Variants in TIAM1 observed in about 807,000 individuals in gnomAD.
TIAM1 encodes the protein rho guanine nucleotide exchange factor TIAM1.
A neutral mutation model predicts 163.5 loss-of-function variants in TIAM1; 65 were observed. The observed-to-expected ratio is 0.40, with a 90% CI of 0.33 to 0.49. The LOEUF (loss-of-function observed/expected upper bound fraction) is 0.49, where lower values mean the gene tolerates loss of function less well. TIAM1 is among the 20% of genes least tolerant of loss of function. The pLI is 0.77. For missense variants in TIAM1, 1,789 were observed against 2,044.7 expected (o/e 0.87, Z 2.41); for synonymous variants, 833 against 810.1 (o/e 1.03, Z -0.48).
At chr21:31,197,380 T>C (rs1356660565) in intron 12 of TIAM1, among the ~76,000 whole-genome samples, 1 of 133,294 alleles carries the variant, frequency 7.5e-6, no homozygotes, top group Non-Finnish European at 1.5e-5. Flanking sequence ...TTCTTTTTTC[T>C]TTTTTTTTTT....
At chr21:31,404,418 C>T (rs1471427301) in intron 2 of TIAM1, among the ~76,000 whole-genome samples, 1 of 151,954 alleles carries the variant, frequency 6.6e-6, no homozygotes, top group African/African-American at 2.4e-5. Context: ...ACATTTATTA[C>T]AGTCTTAGAC....
chr21:31,488,578 T>A (rs2046351667), intron 1 of TIAM1, among the ~76,000 whole-genome samples: 1 of 152,190 alleles, frequency 6.6e-6, no homozygotes, highest in African/African-American at 2.4e-5. Context: ...GAGGCCTCAC[T>A]ATCACAGCGG....
At chr21:31,178,116 C>G (rs916177500) in intron 15 of TIAM1, among the ~76,000 whole-genome samples, 6 of 152,206 alleles carry the variant, frequency 3.9e-5, no homozygotes, top group African/African-American at 1.4e-4. Flanking sequence ...TGCCCCATCA[C>G]AGAGCAATCT....
intron 1 of TIAM1, among the ~76,000 whole-genome samples, chr21:31,472,879 G>C (rs1312278359): frequency 6.6e-6 from 1 of 152,218 alleles, no homozygotes; most frequent in Non-Finnish European, 1.5e-5. Flanking sequence ...GTACGCATCA[G>C]AAATTGTCCT....
At chr21:31,466,902 T>C (rs1400795420) in intron 1 of TIAM1, among the ~76,000 whole-genome samples, 1 of 152,054 alleles carries the variant, frequency 6.6e-6, no homozygotes, top group Non-Finnish European at 1.5e-5. Context: ...GGCAGATTGA[T>C]TCATCATCAT....
intron 3 of TIAM1, among the ~76,000 whole-genome samples, chr21:31,274,139 C>G (rs1320624982): frequency 1.3e-5 from 2 of 151,988 alleles, no homozygotes; most frequent in Non-Finnish European, 2.9e-5. Flanking sequence ...CACTTGAACC[C>G]AGGAGGCAGA....
chr21:31,422,799 T>C (rs541776786), intron 2 of TIAM1, among the ~76,000 whole-genome samples: 1 of 152,294 alleles, frequency 6.6e-6, no homozygotes, highest in East Asian at 1.9e-4. Context: ...ATGGACATAT[T>C]GGCTTTCTAA....
chr21:31,228,226 A>ATTT (rs2088126353), intron 6 of TIAM1, among the ~76,000 whole-genome samples: 2 of 26,134 alleles, frequency 7.7e-5, no homozygotes, highest in Admixed American at 4.8e-4. Context: ...TTTTTAAAAA[A>ATTT]AAAAAAAAAA....
At chr21:31,274,740 C>T (rs1420490786) in intron 3 of TIAM1, among the ~76,000 whole-genome samples, 2 of 152,166 alleles carry the variant, frequency 1.3e-5, no homozygotes, top group African/African-American at 2.4e-5. Flanking sequence ...TTCTCATCTT[C>T]CAGAATTAAA....
chr21:31,169,770 CA>C (rs949666301), intron 15 of TIAM1, among the ~76,000 whole-genome samples: 268 of 140,050 alleles, frequency 1.9e-3, no homozygotes, highest in African/African-American at 4.8e-3. Flanking sequence ...TACTTGGGGG[CA>C]AAAAAAAAAA....
intron 16 of TIAM1, among the ~76,000 whole-genome samples, chr21:31,162,976 C>T (rs954875636): frequency 3.9e-5 from 6 of 152,094 alleles, no homozygotes; most frequent in African/African-American, 7.2e-5. Flanking sequence ...GAGCCTCTTC[C>T]GTCCTCTCCA....
At chr21:31,497,059 C>T (rs1033356829) in intron 1 of TIAM1, among the ~76,000 whole-genome samples, 3 of 152,202 alleles carry the variant, frequency 2.0e-5, no homozygotes, top group African/African-American at 7.2e-5. Flanking sequence ...GCTCACCCAC[C>T]TGCCACTCAC....
intron 9 of TIAM1, among the ~76,000 whole-genome samples, chr21:31,216,156 C>T (rs1359255511): frequency 1.3e-5 from 2 of 152,020 alleles, no homozygotes; most frequent in East Asian, 1.9e-4. Context: ...GGTGACAGAG[C>T]GAGACTCCAT....
In TIAM1 at chr21:31,266,865, C is replaced by G. The variant is rs144300474; in HGVS notation, c.108G>C (p.Thr36=). 1 of 1,614,134 alleles carries G rather than the reference C, an allele frequency of 6.2e-7. No individual in the cohort carries two copies. The highest frequency in any genetic ancestry group is 1.3e-5 in the African/African-American group (1 of 75,046). ...TSRSLRLSHK[T]RRTRHASSGK... Reference sequence around the variant, plus strand: ...CCGAGGAAGCGTGCCTGGTCCTCCGCGTCTTGTGCGAGAGGCGCAGGGAGC... The same window carrying G: ...CCGAGGAAGCGTGCCTGGTCCTCCGGGTCTTGTGCGAGAGGCGCAGGGAGC... Residue 36 remains threonine, a synonymous_variant, in exon 4 of 28, where the codon ACG becomes ACC. Transcript: ENST00000541036.
intron 19 of TIAM1, among the ~76,000 whole-genome samples, chr21:31,147,458 TCTC>T (rs922399138): frequency 1.4e-4 from 21 of 151,508 alleles, no homozygotes; most frequent in African/African-American, 4.8e-4. Flanking sequence ...AAAACCACCT[TCTC>T]CTCTAGCAAC....
chr21:31,301,286 T>C (rs1324684198), intron 2 of TIAM1, among the ~76,000 whole-genome samples: 1 of 152,206 alleles, frequency 6.6e-6, no homozygotes, highest in Non-Finnish European at 1.5e-5. Flanking sequence ...AGAACTAGAT[T>C]AATACAGTGG....
intron 2 of TIAM1, among the ~76,000 whole-genome samples, chr21:31,354,066 G>A (rs189047289): frequency 5.1e-4 from 78 of 151,770 alleles, no homozygotes; most frequent in African/African-American, 1.4e-3. Flanking sequence ...TCGAACACCC[G>A]ACCTCACACA....
At chr21:31,420,485 C>T (rs1489530225) in intron 2 of TIAM1, among the ~76,000 whole-genome samples, 1 of 152,184 alleles carries the variant, frequency 6.6e-6, no homozygotes, top group Non-Finnish European at 1.5e-5. Context: ...ATCCCAGACC[C>T]TAAAGAGTCT....
In TIAM1 at chr21:31,542,834, G is replaced by C. The variant is rs111584304; in HGVS notation, c.-422+16093C>G. Among the ~76,000 whole-genome samples the C allele has an allele frequency of 1.4e-3, 217 of 152,118 alleles. 3 individuals carry two copies. Among genetic ancestry groups the C allele is most frequent in the African/African-American group, 5.0e-3 (207 of 41,504 alleles). Reference sequence around the variant, plus strand: ...AAACACAAAAATTAGCCAGGATGGTGGTGCGCACCTGTAGTCCCAGATACT... The same window carrying C: ...AAACACAAAAATTAGCCAGGATGGTCGTGCGCACCTGTAGTCCCAGATACT... On this transcript the variant is annotated intron_variant, in intron 1 of 28. Coordinates refer to the TIAM1 transcript ENST00000286827.
Sources: gnomAD v4.1 joint callset for allele counts (sites outside exome capture counted in the v4.1 genomes callset) on GRCh38, gnomAD v4.1.1 for gene constraint, MANE v1.5 for transcripts, NCBI Gene and HGNC (gene_info 2026-07-23, HGNC 2026-07-21) for gene names.